ZNF536: variants seen among roughly 807,000 people sequenced by gnomAD.
ZNF536 encodes zinc finger protein 536.
ZNF536 carries 13 observed loss-of-function variants against 84.5 expected under a neutral mutation model. The observed-to-expected ratio is 0.15, with a 90% CI of 0.10 to 0.24. The LOEUF (loss-of-function observed/expected upper bound fraction) is 0.24. ZNF536 is among the 10% of genes least tolerant of loss of function. ZNF536 has a pLI of 1.00. For synonymous variants in ZNF536, 811 were observed against 742.5 expected, an observed-to-expected ratio of 1.09 and a Z score of -1.50; for missense variants, 1,536 against 1,747.5, an observed-to-expected ratio of 0.88 and a Z score of 2.16.
intron 3 of ZNF536, among the ~76,000 whole-genome samples, chr19:30,547,244 T>A (rs932148866): frequency 1.3e-5 from 2 of 152,242 alleles, no homozygotes; most frequent in African/African-American, 4.8e-5. Flanking sequence ...GACTGCTTTT[T>A]ATCTTAACTA....
intron 1 of ZNF536, among the ~76,000 whole-genome samples, chr19:30,632,301 G>A (rs2048914257): frequency 6.6e-6 from 1 of 152,148 alleles, no homozygotes; most frequent in Admixed American, 6.5e-5. Context: ...ACCAAGAAAT[G>A]TGTCTGTAAA....
chr19:30,591,038 G>T (rs1461086306), intron 1 of ZNF536, among the ~76,000 whole-genome samples: 2 of 152,246 alleles, frequency 1.3e-5, no homozygotes, highest in Non-Finnish European at 1.5e-5. Context: ...CAGCTGGCCT[G>T]CTTCCCAGAC....
intron 3 of ZNF536, among the ~76,000 whole-genome samples, chr19:30,541,698 GC>G (rs1011999261): frequency 1.3e-5 from 2 of 152,232 alleles, no homozygotes; most frequent in African/African-American, 4.8e-5. Context: ...CTAACAATGT[GC>G]TGTATACAGT....
intron 1 of ZNF536, among the ~76,000 whole-genome samples, chr19:30,426,080 C>G (rs2051200503): frequency 6.6e-6 from 1 of 152,168 alleles, no homozygotes; most frequent in Non-Finnish European, 1.5e-5. Flanking sequence ...GGGAGCCTCC[C>G]CAGAGGTGGT....
chr19:30,447,412 G>T (rs1248316951), intron 2 of ZNF536, among the ~76,000 whole-genome samples: 2 of 152,184 alleles, frequency 1.3e-5, no homozygotes, highest in Non-Finnish European at 2.9e-5. Flanking sequence ...CATAAATCTG[G>T]TCTGCACATT....
intron 1 of ZNF536, among the ~76,000 whole-genome samples, chr19:30,392,736 T>C (rs1248981166): frequency 6.6e-6 from 1 of 152,212 alleles, no homozygotes; most frequent in Non-Finnish European, 1.5e-5. Flanking sequence ...AGTAACTTAT[T>C]TATTTGACTA....
At chr19:30,422,536 G>A (rs1388225028) in intron 1 of ZNF536, among the ~76,000 whole-genome samples, 1 of 152,122 alleles carries the variant, frequency 6.6e-6, no homozygotes, top group Non-Finnish European at 1.5e-5. Context: ...GGCCTACTGT[G>A]TTCTTCCTGC....
At chr19:30,516,528 C>T (rs2044079416) in intron 2 of ZNF536, among the ~76,000 whole-genome samples, 1 of 152,180 alleles carries the variant, frequency 6.6e-6, no homozygotes, top group African/African-American at 2.4e-5. Context: ...TGAAGAAGCC[C>T]TATGAAGAAA....
intron 2 of ZNF536, among the ~76,000 whole-genome samples, chr19:30,469,048 C>A (rs997282279): frequency 6.6e-6 from 1 of 152,156 alleles, no homozygotes; most frequent in Non-Finnish European, 1.5e-5. Context: ...CTGCTGCAGA[C>A]CCACTCCCTG....
intron 1 of ZNF536, among the ~76,000 whole-genome samples, chr19:30,263,011 G>C (rs527885363): frequency 2.0e-5 from 3 of 152,256 alleles, no homozygotes; most frequent in African/African-American, 7.2e-5. Context: ...AGGAAGTTCA[G>C]GGTGATAGAG....
chr19:30,264,930 C>CGT (rs71333450), intron 1 of ZNF536, among the ~76,000 whole-genome samples: 4,509 of 135,632 alleles, frequency 0.033, 83 homozygotes, highest in Non-Finnish European at 0.038. Context: ...TGTCAATAGT[C>CGT]GTGTGTGTGT....
intron 2 of ZNF536, among the ~76,000 whole-genome samples, chr19:30,473,205 CATA>C (rs1363012636): frequency 2.0e-5 from 3 of 147,400 alleles, no homozygotes; most frequent in South Asian, 2.4e-4. Flanking sequence ...GACTCCATCT[CATA>C]ATAATAATAG....
chr19:30,322,464 G>A lies in ZNF536; in HGVS notation c.-119-29904G>A, dbSNP rs150540154. 6.3e-3 allele frequency among the ~76,000 whole-genome samples: 961 copies of A among 152,156 alleles called. 10 individuals are homozygous for A. The highest frequency in any genetic ancestry group is 0.021 in the African/African-American group (888 of 41,504). The stretch of plus-strand genomic sequence containing the variant: ...TTCACAAACCCATCTCTGTTTCTGC[G>A]GGACTTGGTCCTGTCGCCCTAAGGA... On this transcript the variant is annotated intron_variant, in intron 2 of 5. Coordinates refer to the ZNF536 transcript ENST00000585628.
intron 2 of ZNF536, among the ~76,000 whole-genome samples, chr19:30,466,082 G>C (rs1486482194): frequency 1.3e-5 from 2 of 152,014 alleles, no homozygotes; most frequent in Non-Finnish European, 2.9e-5. Flanking sequence ...TGGGTCTGGT[G>C]GTGGGCACCT....
intron 1 of ZNF536, among the ~76,000 whole-genome samples, chr19:30,615,370 C>T (rs2048254513): frequency 1.3e-5 from 2 of 152,136 alleles, no homozygotes; most frequent in Non-Finnish European, 2.9e-5. Context: ...AACCAAACAC[C>T]ATTTATTAAA....
intron 1 of ZNF536, among the ~76,000 whole-genome samples, chr19:30,439,457 G>C (rs1411473926): frequency 6.6e-6 from 1 of 152,188 alleles, no homozygotes; most frequent in African/African-American, 2.4e-5. Flanking sequence ...CCGGGCCTGG[G>C]GCCAGCTTGT....
intron 2 of ZNF536, among the ~76,000 whole-genome samples, chr19:30,470,147 G>A (rs1279073116): frequency 6.6e-6 from 1 of 152,220 alleles, no homozygotes; most frequent in Non-Finnish European, 1.5e-5. Context: ...GAGGCTTTCT[G>A]TCTGCCATCT....
At chr19:30,576,707 C>G (rs2046749878) in intron 1 of ZNF536, among the ~76,000 whole-genome samples, 1 of 152,226 alleles carries the variant, frequency 6.6e-6, no homozygotes, top group African/African-American at 2.4e-5. Flanking sequence ...GGACTGGGTG[C>G]TCACAGTGAG....
chr19:30,627,376 G>C (rs1380139148), intron 1 of ZNF536, among the ~76,000 whole-genome samples: 1 of 147,396 alleles, frequency 6.8e-6, no homozygotes, highest in Non-Finnish European at 1.5e-5. Context: ...GAAGCTGAGG[G>C]AAGAGGATCA....
Sources: allele counts gnomAD v4.1 joint callset (sites outside exome capture counted in the v4.1 genomes callset), GRCh38; gene constraint gnomAD v4.1.1; transcripts MANE v1.5; gene names NCBI Gene and HGNC (gene_info 2026-07-23, HGNC 2026-07-21).